PPP2R3A: variants seen among roughly 807,000 people sequenced by gnomAD.
The protein encoded by PPP2R3A is protein phosphatase 2 regulatory subunit B''alpha.
PPP2R3A carries 80 observed loss-of-function variants against 106.9 expected under a neutral mutation model. The observed-to-expected ratio is 0.75, with a 90% CI of 0.62 to 0.90. PPP2R3A has a LOEUF of 0.90. Ranked by LOEUF, PPP2R3A falls within the 40% of genes least tolerant of loss-of-function variation. The pLI is 0.00. For missense variants in PPP2R3A, 1,386 were observed against 1,350.4 expected, an observed-to-expected ratio of 1.03 and a Z score of -0.41; for synonymous variants, 483 against 468.3, an observed-to-expected ratio of 1.03 and a Z score of -0.41.
intron 2 of PPP2R3A, chr3:136,022,775 A>G: frequency 2.6e-6 from 3 of 1,163,678 alleles, no homozygotes; most frequent in South Asian, 4.2e-5. Flanking sequence ...GTGCAGGTCA[A>G]TTTGACATAA....
chr3:135,967,164 G>A lies in PPP2R3A; in HGVS notation c.-441+1315G>A, dbSNP rs181171941. 2.5e-3 allele frequency among the ~76,000 whole-genome samples: 376 copies of A among 152,148 alleles called. 3 individuals carry two copies. The highest frequency in any genetic ancestry group is 4.5e-3 in the Non-Finnish European group (304 of 68,002). On this transcript the variant is annotated intron_variant, in intron 1 of 13. Transcript: ENST00000264977. ...TCACCTCTGGCAGAAGAACTTAATG[G>A]CATGAGATACTTGTGGAAAAAAACT... is the stretch of plus-strand genomic sequence containing the variant.
intron 5 of PPP2R3A, among the ~76,000 whole-genome samples, chr3:136,065,957 A>C (rs117293820): frequency 2.6e-5 from 4 of 152,200 alleles, no homozygotes; most frequent in Non-Finnish European, 5.9e-5. Flanking sequence ...TTGCAGGTGA[A>C]TCACTGCACC....
chr3:136,087,564 T>C (rs938896818), intron 8 of PPP2R3A: 1 of 200,626 alleles, frequency 5.0e-6, no homozygotes, highest in Non-Finnish European at 9.9e-6. Flanking sequence ...ATAAAACTTG[T>C]CTTGTTTATA....
intron 13 of PPP2R3A, among the ~76,000 whole-genome samples, chr3:136,127,916 C>G (rs1441214132): frequency 6.6e-6 from 1 of 152,108 alleles, no homozygotes; most frequent in Non-Finnish European, 1.5e-5. Flanking sequence ...CCAAACTAAG[C>G]TTCATAAGTG....
At chr3:136,036,285 A>G (rs1935082183) in intron 3 of PPP2R3A, among the ~76,000 whole-genome samples, 1 of 152,100 alleles carries the variant, frequency 6.6e-6, no homozygotes, top group Non-Finnish European at 1.5e-5. Context: ...TGAAGGTATT[A>G]AAGAACATTG....
At chr3:136,108,513 A>T (rs1937550444) in intron 13 of PPP2R3A, among the ~76,000 whole-genome samples, 1 of 152,170 alleles carries the variant, frequency 6.6e-6, no homozygotes, top group African/African-American at 2.4e-5. Context: ...TAGACAAAAG[A>T]ATATATGAAA....
chr3:136,122,213 TG>T (rs1294384082), intron 13 of PPP2R3A, among the ~76,000 whole-genome samples: 4 of 152,102 alleles, frequency 2.6e-5, no homozygotes, highest in African/African-American at 9.7e-5. Flanking sequence ...CCCAACACTC[TG>T]GGAAGCTGAG....
intron 5 of PPP2R3A, among the ~76,000 whole-genome samples, chr3:136,058,221 G>A (rs1484654925): frequency 6.6e-6 from 1 of 152,124 alleles, no homozygotes; most frequent in African/African-American, 2.4e-5. Flanking sequence ...GCATCAGGAA[G>A]TCACACTATC....
chr3:135,975,394 G>T (rs890853850), intron 1 of PPP2R3A, among the ~76,000 whole-genome samples: 2 of 152,172 alleles, frequency 1.3e-5, no homozygotes, highest in Admixed American at 1.3e-4. Flanking sequence ...GGGCCCTCTG[G>T]TGGGTTCATG....
At chr3:136,080,146 C>T (rs569221394) in intron 7 of PPP2R3A, among the ~76,000 whole-genome samples, 1 of 152,254 alleles carries the variant, frequency 6.6e-6, no homozygotes, top group Admixed American at 6.5e-5. Flanking sequence ...ATACTATTCT[C>T]TTAACTTGGT....
rs1049992077 is a variant in PPP2R3A, at chr3:136,020,064, T to C, written c.1996-6768T>C. ...CTCTAGCTTCATATCAAGCAAAGTG[T>C]CTGGCATATAAGTGATTATATATAA... On this transcript the variant is annotated intron_variant, in intron 2 of 13. Coordinates refer to ENST00000264977, the MANE Select transcript of PPP2R3A (RefSeq NM_002718.5). 4.6e-5 allele frequency among the ~76,000 whole-genome samples: 7 copies of C among 152,086 alleles called. No individual in the cohort carries two copies. In the East Asian group the frequency reaches 7.7e-4, roughly 17 times the overall value.
In PPP2R3A at chr3:136,072,006, GC is replaced by G. The variant is rs529119334; in HGVS notation, c.2544+1459del. Among the ~76,000 whole-genome samples, 15 of 150,106 alleles carry G rather than the reference GC, an allele frequency of 1.0e-4. No individual in the cohort carries two copies. The East Asian group carries it at 1.8e-3, about 18-fold the overall frequency. On this transcript the variant is annotated intron_variant, in intron 6 of 13. Transcript: ENST00000264977. Reference sequence around the variant, plus strand: ...CTGTTTTTGTAACCCTTCTTCCTCTGCCCCCTCCCCCTACACTCTATTCCTT... The same window carrying G: ...CTGTTTTTGTAACCCTTCTTCCTCTGCCCCTCCCCCTACACTCTATTCCTT...
intron 2 of PPP2R3A, among the ~76,000 whole-genome samples, chr3:136,011,916 C>T (rs1286925479): frequency 6.6e-6 from 1 of 151,930 alleles, no homozygotes; most frequent in Non-Finnish European, 1.5e-5. Flanking sequence ...CTATCAGTTC[C>T]AAGCTCCTGT....
rs199657142 is a variant in PPP2R3A, at chr3:136,103,216, A to G, written c.3104-42A>G. 1,931 of 1,379,824 alleles carry G rather than the reference A, an allele frequency of 1.4e-3. 37 individuals are homozygous for G. In the South Asian group the frequency reaches 0.023, roughly 17 times the overall value. 85.5% of individuals were successfully genotyped at this position (1,379,824 alleles called of 1,614,324 possible). A position where few individuals can be genotyped will look rare whatever the true frequency, so the allele number is the denominator to read the frequency against. On this transcript the variant is annotated intron_variant, in intron 11 of 13. Transcript: ENST00000264977. ...GAAAGTTTTTTCCTCTTGCCAAAAC[A>G]GCTCTTGATGAAATTTACCAGATTT... is the stretch of plus-strand genomic sequence containing the variant.
intron 1 of PPP2R3A, among the ~76,000 whole-genome samples, chr3:135,970,362 T>C (rs1303580244): frequency 6.6e-6 from 1 of 152,248 alleles, no homozygotes; most frequent in Non-Finnish European, 1.5e-5. Flanking sequence ...AGAAAAGTTT[T>C]ATTTACTTGT....
At chr3:136,021,202 G>A (rs911446954) in intron 2 of PPP2R3A, among the ~76,000 whole-genome samples, 2 of 151,982 alleles carry the variant, frequency 1.3e-5, no homozygotes, top group African/African-American at 2.4e-5. Context: ...GGGAGAAAAA[G>A]AGTATTCTAG....
intron 9 of PPP2R3A, 56 bp from the exon 10 acceptor site, chr3:136,090,522 G>A: frequency 7.1e-7 from 1 of 1,413,080 alleles, no homozygotes; most frequent in South Asian, 1.2e-5. Context: ...CTATCATCCT[G>A]ATAAATGGTT....
At chr3:136,009,612 C>G (rs1374117002) in intron 2 of PPP2R3A, among the ~76,000 whole-genome samples, 1 of 152,100 alleles carries the variant, frequency 6.6e-6, no homozygotes. Context: ...ATACTGTTAG[C>G]ATTACCTGGA....
intron 1 of PPP2R3A, among the ~76,000 whole-genome samples, chr3:135,989,774 C>G (rs1933076957): frequency 1.3e-5 from 2 of 152,066 alleles, no homozygotes; most frequent in South Asian, 4.1e-4. Context: ...CATACAATAT[C>G]TATAAGTTGT....
Sources: gnomAD v4.1 joint callset for allele counts (sites outside exome capture counted in the v4.1 genomes callset) on GRCh38, gnomAD v4.1.1 for gene constraint, MANE v1.5 for transcripts, NCBI Gene and HGNC (gene_info 2026-07-23, HGNC 2026-07-21) for gene names.